Variants in LRBA observed in about 807,000 individuals in gnomAD.
The protein encoded by LRBA is LPS responsive beige-like anchor protein.
In LRBA, 176 loss-of-function variants were observed where a neutral mutation model predicts 330.0. The observed-to-expected ratio is 0.53, with a 90% confidence interval of 0.47 to 0.60. LRBA has a LOEUF of 0.60. Ranked by LOEUF, LRBA falls within the 20% of genes least tolerant of loss-of-function variation. LRBA has a pLI of 0.00. For synonymous variants in LRBA, 1,230 were observed against 1,193.0 expected (o/e 1.03, Z -0.64); for missense variants, 3,259 against 3,444.8 (o/e 0.95, Z 1.35).
intron 48 of LRBA, among the ~76,000 whole-genome samples, chr4:150,335,440 T>C (rs771861604): frequency 3.7e-4 from 55 of 148,850 alleles, no homozygotes; most frequent in South Asian, 2.1e-3. Context: ...CATATATATA[T>C]ACACGTATAT....
chr4:150,632,646 T>A (rs1240554089), intron 37 of LRBA, among the ~76,000 whole-genome samples: 2 of 152,034 alleles, frequency 1.3e-5, no homozygotes, highest in African/African-American at 4.8e-5. Flanking sequence ...TCTCCTCCTA[T>A]CTCTCTCTCA....
At chr4:150,634,084 C>T (rs1777650326) in intron 37 of LRBA, among the ~76,000 whole-genome samples, 1 of 152,134 alleles carries the variant, frequency 6.6e-6, no homozygotes, top group East Asian at 1.9e-4. Context: ...CATTGCACTC[C>T]AGCCTGGGTG....
At chr4:150,724,842 AAAAAT>A (rs1222275598) in intron 36 of LRBA, among the ~76,000 whole-genome samples, 7 of 150,060 alleles carry the variant, frequency 4.7e-5, no homozygotes, top group Non-Finnish European at 8.9e-5. Context: ...CCCTGTCTCA[AAAAAT>A]AAAATAAAAT....
At chr4:150,415,347 GA>G in intron 47 of LRBA, 90 bp downstream of exon 47, 2 of 1,160,354 alleles carry the variant, frequency 1.7e-6, no homozygotes, top group Non-Finnish European at 2.5e-6. Context: ...GCTTTGTCCA[GA>G]AGAGCAAGGG....
At chr4:150,594,690 T>C (rs1773295359) in intron 38 of LRBA, among the ~76,000 whole-genome samples, 3 of 152,050 alleles carry the variant, frequency 2.0e-5, no homozygotes, top group African/African-American at 4.8e-5. Context: ...AATTGTTACA[T>C]AAAATTGGAG....
At chr4:150,741,735 T>G (rs1732004690) in intron 35 of LRBA, among the ~76,000 whole-genome samples, 1 of 152,086 alleles carries the variant, frequency 6.6e-6, no homozygotes, top group African/African-American at 2.4e-5. Context: ...ACAATATGAA[T>G]TTCACTAACA....
chr4:150,708,096 A>C (rs1315792959), intron 36 of LRBA, among the ~76,000 whole-genome samples: 1 of 151,806 alleles, frequency 6.6e-6, no homozygotes, highest in Non-Finnish European at 1.5e-5. Flanking sequence ...ACAGGTATCA[A>C]GGCAAATCTC....
chr4:150,837,935 G>C (rs887402218), intron 28 of LRBA, among the ~76,000 whole-genome samples: 29 of 152,280 alleles, frequency 1.9e-4, no homozygotes, highest in African/African-American at 6.7e-4. Flanking sequence ...GGTACTGGTT[G>C]TTCCTTTCCA....
intron 2 of LRBA, among the ~76,000 whole-genome samples, chr4:150,950,568 C>G (rs1222229390): frequency 1.3e-5 from 1 of 77,924 alleles, no homozygotes; most frequent in African/African-American, 2.6e-5. Flanking sequence ...ATTAGGTTTT[C>G]TCCACCAAAA....
At chr4:150,934,529 T>G (rs184684156) in intron 2 of LRBA, among the ~76,000 whole-genome samples, 29 of 152,328 alleles carry the variant, frequency 1.9e-4, no homozygotes, top group South Asian at 8.3e-4. Context: ...CTACCCGTAT[T>G]TGCAGGAACA....
intron 47 of LRBA, among the ~76,000 whole-genome samples, chr4:150,376,965 G>A (rs947208492): frequency 1.3e-5 from 2 of 151,888 alleles, no homozygotes; most frequent in Non-Finnish European, 2.9e-5. Flanking sequence ...AAAAGGTCGG[G>A]GTGGGAGTGA....
At chr4:150,466,220 G>C (rs1227857669) in intron 44 of LRBA, among the ~76,000 whole-genome samples, 2 of 152,134 alleles carry the variant, frequency 1.3e-5, no homozygotes, top group Non-Finnish European at 2.9e-5. Flanking sequence ...ACTGTGTGAA[G>C]ATCCTATCCT....
chr4:150,913,275 C>T (rs1005719751), intron 9 of LRBA, among the ~76,000 whole-genome samples: 1 of 152,170 alleles, frequency 6.6e-6, no homozygotes, highest in Admixed American at 6.5e-5. Context: ...TGAGACCAGC[C>T]TGACCAAAAT....
intron 47 of LRBA, among the ~76,000 whole-genome samples, chr4:150,388,299 A>G (rs1050763996): frequency 6.6e-6 from 1 of 152,244 alleles, no homozygotes; most frequent in Non-Finnish European, 1.5e-5. Flanking sequence ...TAGGGCTCCA[A>G]CATAATTTTC....
intron 48 of LRBA, among the ~76,000 whole-genome samples, chr4:150,341,343 A>AT: frequency 6.6e-6 from 1 of 151,954 alleles, no homozygotes; most frequent in African/African-American, 2.4e-5. Context: ...TTGTATTTTA[A>AT]TTTTTTTAGG....
At chr4:150,369,484 C>G (rs1278646617) in intron 47 of LRBA, among the ~76,000 whole-genome samples, 2 of 151,914 alleles carry the variant, frequency 1.3e-5, no homozygotes, top group African/African-American at 4.8e-5. Flanking sequence ...TCTAATGGTT[C>G]AACAACCTTT....
intron 44 of LRBA, among the ~76,000 whole-genome samples, chr4:150,460,352 G>A (rs189471537): frequency 3.4e-4 from 51 of 151,926 alleles, no homozygotes; most frequent in African/African-American, 1.2e-3. Context: ...CTGAAAGAGA[G>A]AGCGAGAAAC....
At chr4:150,489,215 C>CGAATATATAATATATTATATATAT (rs1758400647) in intron 41 of LRBA, among the ~76,000 whole-genome samples, 4 of 36,198 alleles carry the variant, frequency 1.1e-4, no homozygotes, top group East Asian at 9.1e-4. Context: ...ATTATATATA[C>CGAATATATAATATATTATATATAT]GAATATATAA....
intron 53 of LRBA, among the ~76,000 whole-genome samples, chr4:150,289,053 G>A (rs1748536063): frequency 6.6e-6 from 1 of 152,064 alleles, no homozygotes; most frequent in African/African-American, 2.4e-5. Flanking sequence ...GAGGATTGCT[G>A]TCAATTTTCT....
Sources: gnomAD v4.1 joint callset for allele counts (sites outside exome capture counted in the v4.1 genomes callset) on GRCh38, gnomAD v4.1.1 for gene constraint, MANE v1.5 for transcripts, NCBI Gene and HGNC (gene_info 2026-07-23, HGNC 2026-07-21) for gene names.